Variants in RARB observed in about 807,000 individuals in gnomAD.
RARB encodes HBV-activated protein.
A neutral mutation model predicts 51.9 loss-of-function variants in RARB; 17 were observed. That is an observed-to-expected ratio of 0.33 (90% CI 0.22 to 0.49). The LOEUF is 0.49. Among genes scored for constraint, RARB ranks in the 20% least tolerant of loss-of-function variants. The pLI is 0.99. For synonymous variants in RARB, 215 were observed against 195.4 expected, an observed-to-expected ratio of 1.10 and a Z score of -0.84; for missense variants, 369 against 550.8, an observed-to-expected ratio of 0.67 and a Z score of 3.30.
chr3:24,948,011 TTTAGACAAGTACCTAC>T (rs1392911169), intron 2 of RARB, among the ~76,000 whole-genome samples: 1 of 152,176 alleles, frequency 6.6e-6, no homozygotes, highest in Non-Finnish European at 1.5e-5. Flanking sequence ...CTTTGCTCCA[TTTAGACAAGTACCTAC>T]TTGATAATGT....
At chr3:25,018,742 C>A (rs1697567283) in intron 2 of RARB, among the ~76,000 whole-genome samples, 1 of 152,144 alleles carries the variant, frequency 6.6e-6, no homozygotes, top group African/African-American at 2.4e-5. Flanking sequence ...GGCAACTATC[C>A]TTCTCAGGCT....
chr3:25,146,503 G>GTTTTTTTTTTTT (rs1364462708), intron 4 of RARB, among the ~76,000 whole-genome samples: 7 of 73,518 alleles, frequency 9.5e-5, no homozygotes, highest in African/African-American at 2.7e-4. Context: ...TTTTTTGTTT[G>GTTTTTTTTTTTT]TTTGTTTGTT....
intron 4 of RARB, among the ~76,000 whole-genome samples, chr3:25,570,440 T>A (rs1700664687): frequency 6.6e-6 from 1 of 152,162 alleles, no homozygotes; most frequent in Non-Finnish European, 1.5e-5. Flanking sequence ...AGAGGACATG[T>A]ACAAAACCCC....
intron 3 of RARB, among the ~76,000 whole-genome samples, chr3:25,063,773 T>A (rs143235924): frequency 3.0e-4 from 45 of 151,668 alleles, no homozygotes; most frequent in African/African-American, 1.1e-3. Context: ...TTGCACAGGG[T>A]TACCACGGGT....
At chr3:25,166,779 C>G (rs17517875) in intron 4 of RARB, among the ~76,000 whole-genome samples, 12,890 of 152,238 alleles carry the variant, frequency 0.085, 720 homozygotes, top group Non-Finnish European at 0.13. Context: ...ACTCCTGTGT[C>G]TCAAGGCCAA....
chr3:25,067,382 A>T (rs1270042044), intron 3 of RARB, among the ~76,000 whole-genome samples: 6 of 152,202 alleles, frequency 3.9e-5, no homozygotes, highest in Admixed American at 1.3e-4. Context: ...AGCATGAGAA[A>T]AGTTCAAGAT....
intron 2 of RARB, among the ~76,000 whole-genome samples, chr3:24,998,033 G>C (rs1697079655): frequency 6.6e-6 from 1 of 151,990 alleles, no homozygotes; most frequent in Non-Finnish European, 1.5e-5. Flanking sequence ...ACTCAGTGTA[G>C]TTACCTATAC....
rs562847296 is a variant in RARB at position 25,298,785 on chromosome 3, G to A, written c.178+124210G>A. Among the ~76,000 whole-genome samples the A allele has an allele frequency of 7.2e-5, 11 of 152,240 alleles. No individual in the cohort carries two copies. In the East Asian group the frequency reaches 1.4e-3, roughly 19 times the overall value. On this transcript the variant is annotated intron_variant, in intron 5 of 11. Coordinates refer to the RARB transcript ENST00000383772. The stretch of plus-strand genomic sequence containing the variant: ...TCTAAAGGGATTTCTAATAACTTAC[G>A]TTTACAACCTGATTCATGGACATGG...
intron 3 of RARB, among the ~76,000 whole-genome samples, chr3:25,097,375 A>T (rs1328992632): frequency 6.6e-6 from 1 of 152,220 alleles, no homozygotes; most frequent in African/African-American, 2.4e-5. Context: ...ACATGAAAAC[A>T]TTGAGGGGGT....
At chr3:25,483,851 T>C (rs1434810200) in intron 2 of RARB, among the ~76,000 whole-genome samples, 1 of 152,228 alleles carries the variant, frequency 6.6e-6, no homozygotes, top group Non-Finnish European at 1.5e-5. Flanking sequence ...GGGAGTCGGA[T>C]AAAGAAAATG....
intron 4 of RARB, among the ~76,000 whole-genome samples, chr3:25,136,755 G>C (rs886222799): frequency 6.6e-6 from 1 of 151,996 alleles, no homozygotes; most frequent in African/African-American, 2.4e-5. Context: ...CAAAGGATGG[G>C]GGGAGAGTTT....
chr3:24,888,190 T>G (rs1220120032), intron 2 of RARB, among the ~76,000 whole-genome samples: 4 of 152,174 alleles, frequency 2.6e-5, no homozygotes, highest in African/African-American at 9.7e-5. Context: ...CTGTTCTACA[T>G]GGAATATCAA....
chr3:25,212,044 T>C (rs1228209234), intron 5 of RARB, among the ~76,000 whole-genome samples: 1 of 152,144 alleles, frequency 6.6e-6, no homozygotes, highest in Non-Finnish European at 1.5e-5. Context: ...GGTATTTCTG[T>C]TTAGTGGGTT....
intron 5 of RARB, among the ~76,000 whole-genome samples, chr3:25,313,690 T>G (rs530612651): frequency 6.6e-6 from 1 of 152,360 alleles, no homozygotes; most frequent in Admixed American, 6.5e-5. Context: ...ATCTAAGGTT[T>G]ATGCAATTTG....
At position 24,881,391 on chromosome 3, in the gene RARB, A is replaced by G. The variant is rs1703163089; in HGVS notation, c.-380+22639A>G. On this transcript the variant is annotated intron_variant, in intron 2 of 11. Coordinates refer to the RARB transcript ENST00000383772. Reference sequence around the variant, plus strand: ...ACTAAGCAATTAGCCTGGGGAGTCCAAGATCTGGTACATAGGACTTGAGAA... The same window carrying G: ...ACTAAGCAATTAGCCTGGGGAGTCCGAGATCTGGTACATAGGACTTGAGAA... 7.2e-5 allele frequency among the ~76,000 whole-genome samples: 11 copies of G among 152,202 alleles called. No homozygotes were observed. The South Asian group carries it at 1.9e-3, about 26-fold the overall frequency.
intron 2 of RARB, among the ~76,000 whole-genome samples, chr3:25,469,224 A>G (rs768696221): frequency 6.6e-5 from 10 of 152,350 alleles, no homozygotes; most frequent in South Asian, 2.1e-4. Context: ...AAGTTTTGCA[A>G]TCAGGAAGAT....
chr3:25,479,046 T>C (rs532983817), intron 2 of RARB, among the ~76,000 whole-genome samples: 1 of 152,298 alleles, frequency 6.6e-6, no homozygotes, highest in East Asian at 1.9e-4. Context: ...TCTATGGGCC[T>C]TTAATTGTAC....
At chr3:25,116,360 T>TC (rs1390624451) in intron 3 of RARB, among the ~76,000 whole-genome samples, 1 of 152,084 alleles carries the variant, frequency 6.6e-6, no homozygotes, top group Admixed American at 6.6e-5. Flanking sequence ...CCTTTTTTTT[T>TC]CCCACTTTAT....
rs111485825 is a variant in RARB at position 25,307,458 on chromosome 3, G to A, written c.178+132883G>A. ...GTCTTGATGTGATTGCATGGTTACTGCCAATCTCAGAAGTCCCTTAGCCAA... is the reference window on the plus strand; with the variant it reads ...GTCTTGATGTGATTGCATGGTTACTACCAATCTCAGAAGTCCCTTAGCCAA... On this transcript the variant is annotated intron_variant, in intron 5 of 11. Coordinates refer to the RARB transcript ENST00000383772. Among the ~76,000 whole-genome samples the A allele has an allele frequency of 8.8e-3, 1,338 of 152,086 alleles. 5 individuals carry two copies. Among genetic ancestry groups the A allele is most frequent in the Non-Finnish European group, 0.015 (992 of 68,018 alleles).
Sources: gnomAD v4.1 joint callset for allele counts (sites outside exome capture counted in the v4.1 genomes callset) on GRCh38, gnomAD v4.1.1 for gene constraint, MANE v1.5 for transcripts, NCBI Gene and HGNC (gene_info 2026-07-23, HGNC 2026-07-21) for gene names.